The following PRKN variants were observed in gnomAD, a reference collection of about 807,000 sequenced individuals.
The protein encoded by PRKN is parkin RBR E3 ubiquitin protein ligase, also known as E3 ubiquitin-protein ligase parkin.
PRKN carries 56 observed loss-of-function variants against 59.5 expected under a neutral mutation model. The observed-to-expected ratio is 0.94, with a 90% CI of 0.76 to 1.18. The LOEUF is 1.18. PRKN is among the 50% of genes most tolerant of loss of function. The pLI, the probability that PRKN is intolerant of heterozygous loss-of-function variation, is 0.00. For missense variants in PRKN, 657 were observed against 596.4 expected, an observed-to-expected ratio of 1.10 and a Z score of -1.06; for synonymous variants, 250 against 222.1, an observed-to-expected ratio of 1.13 and a Z score of -1.12.
chr6:161,477,048 TC>T (rs1562474979), intron 9 of PRKN, among the ~76,000 whole-genome samples: 2 of 152,204 alleles, frequency 1.3e-5, no homozygotes, highest in African/African-American at 4.8e-5. Flanking sequence ...GAGTGAGGTA[TC>T]CTGAGGAAAA....
At chr6:162,681,089 AG>A (rs1245915509) in intron 1 of PRKN, among the ~76,000 whole-genome samples, 1 of 152,196 alleles carries the variant, frequency 6.6e-6, no homozygotes, top group South Asian at 2.1e-4. Flanking sequence ...AAAAGATTCC[AG>A]GAAGACTCCT....
intron 7 of PRKN, among the ~76,000 whole-genome samples, chr6:161,740,439 A>G (rs938904255): frequency 1.4e-4 from 21 of 151,896 alleles, no homozygotes; most frequent in Admixed American, 2.6e-4. Flanking sequence ...GGGCTCTTTT[A>G]CCTGTGACTT....
At chr6:161,500,646 T>C (rs1393166074) in intron 9 of PRKN, among the ~76,000 whole-genome samples, 1 of 152,188 alleles carries the variant, frequency 6.6e-6, no homozygotes, top group East Asian at 1.9e-4. Context: ...CGTTTCTTTT[T>C]AGCATGGAAT....
At position 161,549,107 on chromosome 6, in the gene PRKN, T is replaced by C. The variant is rs986442757; in HGVS notation, c.934-104A>G. ...GGATTTCTTGCTTAACCAGTTTCAG[T>C]AAAATAATGCATGTGTGTGTGTGTG... On this transcript the variant is annotated intron_variant, in intron 8 of 11. Transcript: ENST00000366898. This position sits in a 1 kb window ranked among gnomAD's most constrained non-coding sequence, Gnocchi z 6.0. 1.6e-6 allele frequency: 2 copies of C among 1,285,428 alleles called. No individual in the cohort carries two copies. Among genetic ancestry groups the C allele is most frequent in the Non-Finnish European group, 2.2e-6 (2 of 896,346 alleles). The allele number at this position is 1,285,428 out of a possible 1,614,324, so 79.6% of individuals were successfully genotyped here.
In PRKN at chr6:162,577,962, A is replaced by G. The variant is rs1232933791; in HGVS notation, c.8-134489T>C. On this transcript the variant is annotated intron_variant, in intron 1 of 11. Transcript: ENST00000366898. ...ATAATTAATTTAAAAAATTTTGAAA[A>G]CTAAATAAATACAATTGGCAAAAAT... 2.0e-5 allele frequency among the ~76,000 whole-genome samples: 3 copies of G among 152,142 alleles called. No homozygotes were observed. In the East Asian group the frequency reaches 5.8e-4, roughly 29 times the overall value.
rs887242045 is a variant in PRKN, at chr6:162,056,749, C to A, written c.535-2575G>T. ...CATGGCTATGCACAACATCTTCTCA[C>A]CCTCGGCAAGGCTGGAATTTTGATA... On this transcript the variant is annotated intron_variant, in intron 4 of 11. Transcript: ENST00000366898. This position sits in a 1 kb window ranked among gnomAD's most constrained non-coding sequence, Gnocchi z 4.9. 6.6e-6 allele frequency among the ~76,000 whole-genome samples: 1 copy of A among 152,184 alleles called. No homozygotes were observed. The highest frequency in any genetic ancestry group is 1.5e-5 in the Non-Finnish European group (1 of 68,032).
intron 1 of PRKN, among the ~76,000 whole-genome samples, chr6:162,481,784 GA>G (rs1241145204): frequency 6.6e-6 from 1 of 151,956 alleles, no homozygotes; most frequent in Non-Finnish European, 1.5e-5. Context: ...AATTAAACAT[GA>G]ATCCAGTTAC....
chr6:161,474,214 T>C (rs1196920940), intron 9 of PRKN, among the ~76,000 whole-genome samples: 1 of 152,204 alleles, frequency 6.6e-6, no homozygotes, highest in African/African-American at 2.4e-5. Flanking sequence ...GAGGAATGAA[T>C]TGGCTACTCC....
In PRKN at chr6:161,776,567, C is replaced by T. The variant is rs1246023968; in HGVS notation, c.871+9205G>A. 3.9e-5 allele frequency among the ~76,000 whole-genome samples: 6 copies of T among 152,182 alleles called. No homozygotes were observed. In the East Asian group the frequency reaches 1.2e-3, roughly 29 times the overall value. On this transcript the variant is annotated intron_variant, in intron 7 of 11. Coordinates refer to ENST00000366898, the MANE Select transcript of PRKN (RefSeq NM_004562.3). Reference sequence around the variant, plus strand: ...AAAATGCCTTCTTGCTTACAGACTGCCCACCCCAGAGTAGTTCTTAAATAT... The same window carrying T: ...AAAATGCCTTCTTGCTTACAGACTGTCCACCCCAGAGTAGTTCTTAAATAT...
At chr6:162,390,477 T>C (rs980169503) in intron 2 of PRKN, among the ~76,000 whole-genome samples, 1 of 151,144 alleles carries the variant, frequency 6.6e-6, no homozygotes, top group African/African-American at 2.4e-5. Context: ...AGTCTCGTTC[T>C]GTCACCCAGT....
chr6:161,440,607 T>C lies in PRKN; in HGVS notation c.1084-53730A>G, dbSNP rs1789163462. On this transcript the variant is annotated intron_variant, in intron 9 of 11. Transcript: ENST00000366898. The surrounding 1 kb of genome is among the most constrained non-coding windows in gnomAD (Gnocchi z 4.1). Reference sequence around the variant, plus strand: ...CTGGAAATGGATAAGAAAATCCTAGTTCTACCTCGCAGACAGGGAGGAAGT... The same window carrying C: ...CTGGAAATGGATAAGAAAATCCTAGCTCTACCTCGCAGACAGGGAGGAAGT... Among the ~76,000 whole-genome samples the C allele has an allele frequency of 1.3e-5, 2 of 152,186 alleles. No individual in the cohort carries two copies. The highest frequency in any genetic ancestry group is 4.1e-4 in the South Asian group (2 of 4,828).
intron 1 of PRKN, among the ~76,000 whole-genome samples, chr6:162,609,092 G>A (rs1299415564): frequency 6.6e-6 from 1 of 152,150 alleles, no homozygotes; most frequent in South Asian, 2.1e-4. Context: ...CCAGATAGAA[G>A]AGAAAAAGAA....
chr6:162,030,381 A>C (rs1333747161), intron 5 of PRKN, among the ~76,000 whole-genome samples: 1 of 152,190 alleles, frequency 6.6e-6, no homozygotes, highest in African/African-American at 2.4e-5. Context: ...AAGATCTCAG[A>C]AACTGTCATT....
At chr6:161,977,356 G>A (rs1159097627) in intron 5 of PRKN, among the ~76,000 whole-genome samples, 2 of 152,130 alleles carry the variant, frequency 1.3e-5, no homozygotes, top group African/African-American at 4.8e-5. Flanking sequence ...AGATTCTACA[G>A]GTGCAGTGGT....
chr6:162,399,574 C>A (rs569686181), intron 2 of PRKN, among the ~76,000 whole-genome samples: 6 of 152,036 alleles, frequency 3.9e-5, no homozygotes, highest in African/African-American at 1.4e-4. Context: ...TGCACACAAT[C>A]TATACAAACA....
In PRKN at chr6:162,239,528, A is replaced by C. The variant is rs572379807; in HGVS notation, c.412+22997T>G. Among the ~76,000 whole-genome samples the C allele has an allele frequency of 1.3e-3, 193 of 152,256 alleles. 1 individual carries two copies. The highest frequency in any genetic ancestry group is 4.3e-3 in the African/African-American group (178 of 41,550). Reference sequence around the variant, plus strand: ...ATCCAACGCAGCGCAGAGCTGTGATACAACCCACTTCCACTCCCACGGCAT... The same window carrying C: ...ATCCAACGCAGCGCAGAGCTGTGATCCAACCCACTTCCACTCCCACGGCAT... On this transcript the variant is annotated intron_variant, in intron 3 of 11. Transcript: ENST00000366898.
chr6:162,622,250 T>C (rs909536048), intron 1 of PRKN, among the ~76,000 whole-genome samples: 6 of 152,226 alleles, frequency 3.9e-5, no homozygotes, highest in African/African-American at 1.4e-4. Flanking sequence ...TTGTTCCTTT[T>C]TCATAACAGC....
rs1013016682 is a variant in PRKN, at chr6:161,405,156, A to G, written c.1084-18279T>C. On this transcript the variant is annotated intron_variant, in intron 9 of 11. Transcript: ENST00000366898. This position sits in a 1 kb window ranked among gnomAD's most constrained non-coding sequence, Gnocchi z 5.1. ...GCCTTTACTTTATTATGGGCCAGGA[A>G]CAAATGGCAGTGGGTGAAATAGGCT... is the stretch of plus-strand genomic sequence containing the variant. Among the ~76,000 whole-genome samples, 14 of 152,346 alleles carry G rather than the reference A, an allele frequency of 9.2e-5. No individual in the cohort carries two copies. The highest frequency in any genetic ancestry group is 2.6e-4 in the African/African-American group (11 of 41,580).
At chr6:162,601,704 C>A (rs1025335700) in intron 1 of PRKN, among the ~76,000 whole-genome samples, 1 of 152,004 alleles carries the variant, frequency 6.6e-6, no homozygotes, top group African/African-American at 2.4e-5. Flanking sequence ...ATGAGGAGTA[C>A]ATTTTTATAT....
Sources: gnomAD v4.1 joint callset for allele counts (sites outside exome capture counted in the v4.1 genomes callset) on GRCh38, gnomAD v4.1.1 for gene constraint, Gnocchi (gnomAD v3.1) non-coding constraint, MANE v1.5 for transcripts, NCBI Gene and HGNC (gene_info 2026-07-23, HGNC 2026-07-21) for gene names.